The following TADA2A variants were observed in gnomAD, a reference collection of about 807,000 sequenced individuals.
TADA2A encodes the protein transcriptional adapter 2-alpha.
In TADA2A, 38 loss-of-function variants were observed where a neutral mutation model predicts 67.4. The observed-to-expected ratio is 0.56, with a 90% CI of 0.44 to 0.74. The LOEUF is 0.74. Among genes scored for constraint, TADA2A ranks in the 30% least tolerant of loss-of-function variants. TADA2A has a pLI of 0.00. For synonymous variants in TADA2A, 192 were observed against 181.6 expected, an observed-to-expected ratio of 1.06 and a Z score of -0.46; for missense variants, 454 against 547.0, an observed-to-expected ratio of 0.83 and a Z score of 1.70.
At chr17:37,443,840 G>A (rs1182886091) in intron 7 of TADA2A, among the ~76,000 whole-genome samples, 1 of 152,194 alleles carries the variant, frequency 6.6e-6, no homozygotes, top group Admixed American at 6.5e-5. Flanking sequence ...TATAAAGAAT[G>A]ATGAATGTGT....
At chr17:37,423,440 T>A in intron 2 of TADA2A, 69 bp from the exon 3 acceptor site, 1 of 1,222,484 alleles carries the variant, frequency 8.2e-7, no homozygotes, top group Non-Finnish European at 1.2e-6. Context: ...TTTGGGGATT[T>A]TCACCTTTTT....
chr17:37,455,439 T>G (rs2053363928), intron 8 of TADA2A, among the ~76,000 whole-genome samples: 1 of 152,068 alleles, frequency 6.6e-6, no homozygotes, highest in South Asian at 2.1e-4. Context: ...TGGAGTGCAG[T>G]GGCGTGATCT....
At chr17:37,413,613 C>T (rs2147900269) in intron 2 of TADA2A, among the ~76,000 whole-genome samples, 1 of 152,102 alleles carries the variant, frequency 6.6e-6, no homozygotes, top group Non-Finnish European at 1.5e-5. Context: ...GTGACACAAT[C>T]ATAGCCCACT....
At chr17:37,407,143 G>T (rs893396082) in intron 1 of TADA2A, 194 bp downstream of exon 1, 4 of 149,612 alleles carry the variant, frequency 2.7e-5, no homozygotes, top group Non-Finnish European at 6.0e-5. Context: ...GCCGCTCTGT[G>T]GGGGAGGGCG....
intron 15 of TADA2A, 45 bp from the exon 16 acceptor site, chr17:37,476,752 A>G (rs772074845): frequency 5.7e-6 from 9 of 1,566,998 alleles, no homozygotes; most frequent in Middle Eastern, 1.8e-4. Context: ...TTAAATTACA[A>G]AAATGACAGA....
chr17:37,408,613 C>G (rs887922158), intron 1 of TADA2A: 9 of 152,228 alleles, frequency 5.9e-5, no homozygotes, highest in African/African-American at 2.2e-4. Context: ...GTAACATACT[C>G]TTTCAGAGCT....
intron 4 of TADA2A, among the ~76,000 whole-genome samples, chr17:37,429,463 A>G (rs898246987): frequency 6.6e-6 from 1 of 152,014 alleles, no homozygotes; most frequent in Non-Finnish European, 1.5e-5. Flanking sequence ...GAAAAAAAAA[A>G]TAGAGACAGG....
intron 11 of TADA2A, among the ~76,000 whole-genome samples, chr17:37,466,762 A>T (rs538397085): frequency 6.6e-6 from 1 of 152,312 alleles, no homozygotes; most frequent in East Asian, 1.9e-4. Context: ...TGGATTGTCC[A>T]GGCTCTTCCT....
intron 9 of TADA2A, chr17:37,461,838 TC>T (rs1380266531): frequency 5.4e-6 from 2 of 372,580 alleles, no homozygotes; most frequent in South Asian, 1.3e-4. Context: ...ATTCATTCGT[TC>T]AGCAAATAGT....
intron 2 of TADA2A, among the ~76,000 whole-genome samples, 189 bp from the exon 3 acceptor site, chr17:37,423,320 A>G (rs1038462182): frequency 1.3e-5 from 2 of 152,216 alleles, no homozygotes; most frequent in East Asian, 3.8e-4. Flanking sequence ...GTGAAAGGGA[A>G]CAATGCTGCC....
chr17:37,435,933 T>C (rs2052711611), intron 4 of TADA2A, among the ~76,000 whole-genome samples: 1 of 151,692 alleles, frequency 6.6e-6, no homozygotes, highest in Admixed American at 6.6e-5. Flanking sequence ...CAGGCTGGTC[T>C]CAAAACTCCT....
intron 7 of TADA2A, among the ~76,000 whole-genome samples, chr17:37,444,451 T>C (rs373810718): frequency 6.6e-6 from 1 of 152,120 alleles, no homozygotes; most frequent in African/African-American, 2.4e-5. Context: ...AGCAGTATGT[T>C]TAGCTTCATT....
intron 8 of TADA2A, chr17:37,454,314 T>G (rs1184235865): frequency 6.6e-6 from 1 of 150,784 alleles, no homozygotes; most frequent in African/African-American, 2.4e-5. Context: ...TTTTTTTTTT[T>G]TTTTGGAGTC....
At chr17:37,471,185 C>T (rs777325036) in intron 14 of TADA2A, 48 bp downstream of exon 14, 9 of 1,589,928 alleles carry the variant, frequency 5.7e-6, no homozygotes, top group Admixed American at 1.7e-5. Context: ...AAGTTTGCAT[C>T]GTAGGGGTTA....
intron 2 of TADA2A, among the ~76,000 whole-genome samples, chr17:37,414,041 C>T (rs762915890): frequency 6.6e-6 from 1 of 152,034 alleles, no homozygotes; most frequent in Non-Finnish European, 1.5e-5. Context: ...TAGGTGAGAT[C>T]AGAGGGTATT....
intron 2 of TADA2A, among the ~76,000 whole-genome samples, chr17:37,413,531 A>G (rs2051943869): frequency 6.7e-6 from 1 of 149,870 alleles, no homozygotes; most frequent in Admixed American, 6.9e-5. Flanking sequence ...GTGTATATAT[A>G]TGTTTTTTAT....
intron 3 of TADA2A, among the ~76,000 whole-genome samples, chr17:37,424,214 C>T (rs1228198377): frequency 6.6e-6 from 1 of 151,844 alleles, no homozygotes; most frequent in African/African-American, 2.4e-5. Context: ...AGGTGGATCC[C>T]CTGAGGTCAA....
chr17:37,447,215 G>A (rs1008460593), intron 8 of TADA2A, among the ~76,000 whole-genome samples: 5 of 152,088 alleles, frequency 3.3e-5, no homozygotes, highest in Non-Finnish European at 7.4e-5. Context: ...AGGCGGGAGC[G>A]CAGTAGCGTG....
Position 37,445,793 on chromosome 17 carries a change from T to C in TADA2A, c.604+1025T>C, listed in dbSNP as rs2053061324. Among the ~76,000 whole-genome samples the C allele has an allele frequency of 2.0e-5, 3 of 152,182 alleles. No homozygotes were observed. In the South Asian group the frequency reaches 6.2e-4, roughly 31 times the overall value. On this transcript the variant is annotated intron_variant, in intron 8 of 15. Coordinates refer to ENST00000615182, the MANE Select transcript of TADA2A (RefSeq NM_001166105.3). ...AATTTTAGTTCAGAATTGAATATGA[T>C]ACAGTAGATCAGTAATTCTCTATTG...
Sources: gnomAD v4.1 joint callset for allele counts (sites outside exome capture counted in the v4.1 genomes callset) on GRCh38, gnomAD v4.1.1 for gene constraint, MANE v1.5 for transcripts, NCBI Gene and HGNC (gene_info 2026-07-23, HGNC 2026-07-21) for gene names.